MERTK: variants seen among roughly 807,000 people sequenced by gnomAD.
MERTK encodes the protein tyrosine-protein kinase Mer.
Under a neutral mutation model 99.3 loss-of-function variants are expected in MERTK, and 69 were observed. That is an observed-to-expected ratio of 0.70 (90% CI 0.57 to 0.85). MERTK has a LOEUF of 0.85. MERTK is among the 40% of genes least tolerant of loss of function. The pLI, the probability that MERTK is intolerant of heterozygous loss-of-function variation, is 0.00. For missense variants in MERTK, 1,125 were observed against 1,249.4 expected (o/e 0.90, Z 1.50); for synonymous variants, 426 against 467.6 (o/e 0.91, Z 1.15).
chr2:112,023,354 C>T (rs1261749960), intron 18 of MERTK, among the ~76,000 whole-genome samples: 10 of 152,142 alleles, frequency 6.6e-5, no homozygotes, highest in African/African-American at 2.4e-4. Flanking sequence ...GCGGAGCTTG[C>T]GGTGAGCTGA....
At chr2:111,935,638 CGTGTGTGTGTGTGTGTGTGTGTGTGT>C (rs55986780) in intron 2 of MERTK, among the ~76,000 whole-genome samples, 12 of 139,930 alleles carry the variant, frequency 8.6e-5, no homozygotes, top group African/African-American at 3.0e-4. Context: ...GGTCTTGGCT[CGTGTGTGTGTGTGTGTGTGTGTGTGT>C]GTGTGTGTGT....
chr2:111,989,012 G>T (rs1244905018), intron 8 of MERTK, among the ~76,000 whole-genome samples: 1 of 152,202 alleles, frequency 6.6e-6, no homozygotes, highest in South Asian at 2.1e-4. Flanking sequence ...GCTCAGAGAT[G>T]CTGGGTAACT....
chr2:111,990,986 C>T (rs575421340), intron 8 of MERTK, among the ~76,000 whole-genome samples: 10 of 152,278 alleles, frequency 6.6e-5, no homozygotes, highest in Admixed American at 3.9e-4. Context: ...GAGCCTGCAG[C>T]CAGAAGCAGG....
At chr2:111,996,877 A>G (rs1483708436) in intron 9 of MERTK, 1 of 218,358 alleles carries the variant, frequency 4.6e-6, no homozygotes, top group South Asian at 6.4e-5. Context: ...TAGAAGGCAA[A>G]CTATTTAACC....
intron 1 of MERTK, chr2:111,913,119 G>T: frequency 1.0e-6 from 1 of 973,384 alleles, no homozygotes. Flanking sequence ...AGAAGATATT[G>T]AACATAGATT....
At chr2:111,947,299 C>T (rs866612165) in intron 3 of MERTK, 95 bp from the exon 4 acceptor site, 5 of 545,512 alleles carry the variant, frequency 9.2e-6, no homozygotes, top group African/African-American at 6.6e-5. Flanking sequence ...AAAAAGAAAT[C>T]TATTGCCAAG....
chr2:111,926,740 A>G lies in MERTK; in HGVS notation c.62-2380A>G, dbSNP rs1013600536. 1.1e-4 allele frequency among the ~76,000 whole-genome samples: 17 copies of G among 152,324 alleles called. 1 individual carries two copies. Among genetic ancestry groups the G allele is most frequent in the African/African-American group, 4.1e-4 (17 of 41,574 alleles). On this transcript the variant is annotated intron_variant, in intron 1 of 18. Transcript: ENST00000295408. Reference sequence around the variant, plus strand: ...AGCGAGACTCCATCTCAGAAAGCAAACAAAAACAAAGCCTACATGAGTAAG... The same window carrying G: ...AGCGAGACTCCATCTCAGAAAGCAAGCAAAAACAAAGCCTACATGAGTAAG...
At chr2:111,961,231 G>C (rs964668911) in intron 4 of MERTK, among the ~76,000 whole-genome samples, 1 of 139,038 alleles carries the variant, frequency 7.2e-6, no homozygotes, top group African/African-American at 2.7e-5. Flanking sequence ...GTGTGATCTC[G>C]GCTCACTGCA....
intron 4 of MERTK, 100 bp from the exon 5 acceptor site, chr2:111,965,091 A>C (rs1469551444): frequency 8.3e-7 from 1 of 1,197,692 alleles, no homozygotes; most frequent in East Asian, 2.4e-5. Context: ...CCCAAAAGCC[A>C]TGAACCAAGA....
At chr2:111,951,549 A>ATATATATATATATATATATATAT (rs1685057322) in intron 4 of MERTK, among the ~76,000 whole-genome samples, 1 of 118,772 alleles carries the variant, frequency 8.4e-6, no homozygotes, top group African/African-American at 2.9e-5. Context: ...ATATATATAT[A>ATATATATATATATATATATATAT]CCATAATTTT....
At chr2:111,902,435 C>T (rs1230851663) in intron 1 of MERTK, among the ~76,000 whole-genome samples, 1 of 152,188 alleles carries the variant, frequency 6.6e-6, no homozygotes, top group Admixed American at 6.5e-5. Flanking sequence ...GAAAATCTTC[C>T]AGTGGCTTCC....
chr2:111,992,641 C>T (rs190526529), intron 8 of MERTK, among the ~76,000 whole-genome samples: 1 of 151,420 alleles, frequency 6.6e-6, no homozygotes, highest in Non-Finnish European at 1.5e-5. Flanking sequence ...GTCCCAGCTA[C>T]TCAGGAGGCT....
intron 1 of MERTK, among the ~76,000 whole-genome samples, chr2:111,926,072 C>T (rs6716528): frequency 0.23 from 34,820 of 151,796 alleles, 4,255 homozygotes; most frequent in Middle Eastern, 0.35. Context: ...ACCTCGTGAT[C>T]CGCCTGCCTT....
At position 112,010,264 on chromosome 2, in the gene MERTK, T is replaced by C. The variant is rs537032980; in HGVS notation, c.2079+198T>C. 5.5e-6 allele frequency: 3 copies of C among 550,442 alleles called. No homozygotes were observed. In the African/African-American group the frequency reaches 5.6e-5, roughly 10 times the overall value. The allele number at this position is 550,442 out of a possible 1,614,324, so 34.1% of individuals were successfully genotyped here. A position where few individuals can be genotyped will look rare whatever the true frequency, so the allele number is the denominator to read the frequency against. ...CCTGCTCCAGGTATTATTATCCTGC[T>C]TTATGGTGGGTAAGTGGCTGCGTGC... On this transcript the variant is annotated intron_variant, in intron 15 of 18. Coordinates refer to ENST00000295408, the MANE Select transcript of MERTK (RefSeq NM_006343.3).
rs751401674 is a variant in MERTK at position 111,929,205 on chromosome 2, G to A, written c.147G>A (p.Pro49=). Residue 49 remains proline, a synonymous_variant, in exon 2 of 19, where the codon CCG becomes CCA. Coordinates refer to ENST00000295408, the MANE Select transcript of MERTK (RefSeq NM_006343.3). ...GGAGCCTGCAAACTGACCACACACC[G>A]CTGTTATCCCTTCCTCACGCCAGTG... ...FPGSLQTDHT[P]LLSLPHASGY... 27 of 1,613,970 alleles carry A rather than the reference G, an allele frequency of 1.7e-5. No homozygotes were observed. The highest frequency in any genetic ancestry group is 2.2e-5 in the East Asian group (1 of 44,898).
intron 3 of MERTK, among the ~76,000 whole-genome samples, chr2:111,947,189 C>T (rs1684974185): frequency 6.6e-6 from 1 of 152,164 alleles, no homozygotes; most frequent in Admixed American, 6.5e-5. Flanking sequence ...AGGAGAATCA[C>T]TTGAACCCAG....
intron 1 of MERTK, among the ~76,000 whole-genome samples, chr2:111,899,319 G>A (rs545866538): frequency 1.3e-5 from 2 of 150,974 alleles, no homozygotes; most frequent in South Asian, 4.2e-4. Context: ...GACTGAGGCC[G>A]AGCGACGGGC....
At chr2:111,907,055 G>T (rs929772827) in intron 1 of MERTK, among the ~76,000 whole-genome samples, 6 of 152,130 alleles carry the variant, frequency 3.9e-5, no homozygotes, top group Non-Finnish European at 7.4e-5. Context: ...CGTGACTCTC[G>T]GTGTGAACTT....
At chr2:112,018,994 C>T (rs1476426191) in intron 15 of MERTK, among the ~76,000 whole-genome samples, 1 of 146,142 alleles carries the variant, frequency 6.8e-6, no homozygotes, top group African/African-American at 2.5e-5. Context: ...GGACTTTTCC[C>T]CTCCGAAACA....
Sources: allele counts gnomAD v4.1 joint callset (sites outside exome capture counted in the v4.1 genomes callset), GRCh38; gene constraint gnomAD v4.1.1; transcripts MANE v1.5; gene names NCBI Gene and HGNC (gene_info 2026-07-23, HGNC 2026-07-21).